Variants in DMAC2 observed in about 807,000 individuals in gnomAD.
DMAC2 encodes distal membrane arm assembly component 2, also known as distal membrane-arm assembly complex protein 2.
DMAC2 carries 32 observed loss-of-function variants against 29.6 expected under a neutral mutation model. The observed-to-expected ratio is 1.08, with a 90% CI of 0.81 to 1.45. DMAC2 has a LOEUF of 1.45. Among genes scored for constraint, DMAC2 ranks in the 40% most tolerant of loss-of-function variants. DMAC2 has a pLI of 0.00. For missense variants in DMAC2, 319 were observed against 340.0 expected, an observed-to-expected ratio of 0.94 and a Z score of 0.49; for synonymous variants, 133 against 137.4, an observed-to-expected ratio of 0.97 and a Z score of 0.23.
Position 41,438,200 on chromosome 19 carries a change from C to A in DMAC2, c.215+18G>T. 1 of 1,606,162 alleles carries A rather than the reference C, an allele frequency of 6.2e-7. No homozygotes were observed. Among genetic ancestry groups the A allele is most frequent in the African/African-American group, 1.3e-5 (1 of 74,996 alleles). On this transcript the variant is annotated intron_variant, in intron 2 of 5. Transcript: ENST00000221943. ...GGGCCAGGGTCTCCACAGGGTCTTG[C>A]AGACCAGGGATTCTCACCGATTTTT...
Position 41,431,872 on chromosome 19 carries a change from T to C in DMAC2, c.*359A>G, listed in dbSNP as rs1029018203. The C allele has an allele frequency of 2.3e-5, 7 of 303,160 alleles. No homozygotes were observed. The highest frequency in any genetic ancestry group is 1.4e-4 in the Admixed American group (3 of 21,086). The allele number at this position is 303,160 out of a possible 1,614,324, so 18.8% of individuals were successfully genotyped here. A position where few individuals can be genotyped will look rare whatever the true frequency, so the allele number is the denominator to read the frequency against. ...CCTGTAAAGTGTCAGTAGTAGCCCC[T>C]GTGTCAGTCAGGGTCCCTGCAAGAA... On this transcript the variant is annotated 3_prime_UTR_variant, in exon 6 of 6. Coordinates refer to ENST00000221943, the MANE Select transcript of DMAC2 (RefSeq NM_018035.3).
chr19:41,435,569 C>A (rs1455383355), intron 3 of DMAC2, among the ~76,000 whole-genome samples: 2 of 151,694 alleles, frequency 1.3e-5, no homozygotes, highest in Non-Finnish European at 2.9e-5. Context: ...CGCGCCCGGC[C>A]TATTATTATT....
In DMAC2 at chr19:41,432,175, C is replaced by G; in HGVS notation, c.*56G>C. On this transcript the variant is annotated 3_prime_UTR_variant, in exon 6 of 6. Transcript: ENST00000221943. The stretch of plus-strand genomic sequence containing the variant: ...TGGAAGCCAGAAGTGTGGTGAGCTA[C>G]CAGACATTCCATGCAGCCCGCTGAG... 6.4e-7 allele frequency: 1 copy of G among 1,567,866 alleles called. No homozygotes were observed. Among genetic ancestry groups the G allele is most frequent in the Non-Finnish European group, 8.7e-7 (1 of 1,150,668 alleles).
chr19:41,436,096 G>A (rs1397262272), intron 3 of DMAC2, among the ~76,000 whole-genome samples: 2 of 152,092 alleles, frequency 1.3e-5, no homozygotes, highest in East Asian at 1.9e-4. Flanking sequence ...AGCTGCTCTC[G>A]AACTCCTGAC....
In DMAC2 at chr19:41,432,653, C is replaced by CGTGTGTGTGTGTGTGTGT. The variant is rs782279895; in HGVS notation, c.597-263_597-246dup. 231 of 220,750 alleles carry CGTGTGTGTGTGTGTGTGT rather than the reference C, an allele frequency of 1.0e-3. 7 individuals are homozygous for CGTGTGTGTGTGTGTGTGT. The African/African-American group carries it at 0.011, about 11-fold the overall frequency. 13.7% of individuals were successfully genotyped at this position (220,750 alleles called of 1,614,324 possible). ...GTGTGTGTAGGGAGGTACAGGACAG[C>CGTGTGTGTGTGTGTGTGT]GTGTGTGTGTGTGTGTGTGTGTGTA... is the stretch of plus-strand genomic sequence containing the variant. On this transcript the variant is annotated intron_variant, in intron 5 of 5. Coordinates refer to ENST00000221943, the MANE Select transcript of DMAC2 (RefSeq NM_018035.3).
chr19:41,432,730 T>C (rs1386610997), intron 5 of DMAC2: 2 of 356,322 alleles, frequency 5.6e-6, no homozygotes, highest in African/African-American at 3.2e-5. Flanking sequence ...TGTGTGTGTG[T>C]AGGGAGGTAC....
chr19:41,433,707 C>G, intron 3 of DMAC2, 34 bp from the exon 4 acceptor site: 1 of 1,613,504 alleles, frequency 6.2e-7, no homozygotes, highest in Non-Finnish European at 8.5e-7. Flanking sequence ...AGCAGGGCAC[C>G]TGAACCTGCC....
Position 41,433,312 on chromosome 19 carries a change from G to T in DMAC2, c.556C>A (p.Arg186Ser). 2 of 1,611,050 alleles carry T rather than the reference G, an allele frequency of 1.2e-6. No individual in the cohort carries two copies. The highest frequency in any genetic ancestry group is 1.7e-6 in the Non-Finnish European group (2 of 1,179,850). ...LQELSLAGCP[R>S]ISERGLACLH... ...CAGGCGAGGCCCCGTTCGGAGATGC[G>T]GGGGCAACCGGCCAGCGAGAGCTCC... The change falls in exon 5 of 6, where the codon CGC becomes AGC. Residue 186 changes from arginine to serine, a missense_variant. Physicochemically the swap from Arg to Ser is moderately radical, Grantham distance 110. Coordinates refer to ENST00000221943, the MANE Select transcript of DMAC2 (RefSeq NM_018035.3).
At chr19:41,432,855 AGTGTGTGT>A in intron 5 of DMAC2, 1 of 478,524 alleles carries the variant, frequency 2.1e-6, no homozygotes, top group Non-Finnish European at 3.6e-6. Flanking sequence ...CTTACAGGAC[AGTGTGTGT>A]GCGTGCGTGT....
chr19:41,436,991 A>AG lies in DMAC2; in HGVS notation c.216-520dup, dbSNP rs573490098. Among the ~76,000 whole-genome samples, 870 of 152,036 alleles carry AG rather than the reference A, an allele frequency of 5.7e-3. 4 individuals are homozygous for AG. The highest frequency in any genetic ancestry group is 9.0e-3 in the Non-Finnish European group (610 of 67,920). On this transcript the variant is annotated intron_variant, in intron 2 of 5. Transcript: ENST00000221943. ...CTGAAGGGGCCAGTGGAGTCCTGAT[A>AG]GGGGGTCTCAAAGCTCAGTAGGAGC...
rs782613613 is a variant in DMAC2 at position 41,439,862 on chromosome 19, T to C, written c.18+20A>G. On this transcript the variant is annotated intron_variant, in intron 1 of 5. Transcript: ENST00000221943. Reference sequence around the variant, plus strand: ...AGAGCGGACTTCAAATTTGGGGCTCTAGGAACTCCGGTCACTTACCGCCCA... The same window carrying C: ...AGAGCGGACTTCAAATTTGGGGCTCCAGGAACTCCGGTCACTTACCGCCCA... 1.1e-5 allele frequency: 18 copies of C among 1,614,032 alleles called. No homozygotes were observed. Among genetic ancestry groups the C allele is most frequent in the African/African-American group, 5.3e-5 (4 of 74,908 alleles).
chr19:41,436,658 A>G (rs1175550822), intron 2 of DMAC2, among the ~76,000 whole-genome samples, 186 bp from the exon 3 acceptor site: 2 of 152,226 alleles, frequency 1.3e-5, no homozygotes, highest in South Asian at 2.1e-4. Context: ...ACCAAGGCAG[A>G]TAACATCCCT....
rs369060053 is a variant in DMAC2, at chr19:41,433,182, T to C, written c.596+90A>G. 5.7e-5 allele frequency: 80 copies of C among 1,403,734 alleles called. 2 individuals carry two copies. The African/African-American group carries it at 6.6e-4, about 12-fold the overall frequency. The allele number at this position is 1,403,734 out of a possible 1,614,324, so 87.0% of individuals were successfully genotyped here. ...GATGCAGGGGGATATGAGAACTGCC[T>C]AACATTGCCCCTCCCCACTTCCTCT... On this transcript the variant is annotated intron_variant, in intron 5 of 5. Transcript: ENST00000221943.
intron 1 of DMAC2, among the ~76,000 whole-genome samples, 170 bp from the exon 2 acceptor site, chr19:41,438,584 T>C (rs1248405166): frequency 3.3e-5 from 5 of 152,220 alleles, no homozygotes; most frequent in African/African-American, 1.2e-4. Context: ...TTTCCCCATG[T>C]TTTTTCCAAG....
chr19:41,434,050 C>T (rs540885268), intron 3 of DMAC2, among the ~76,000 whole-genome samples: 34 of 152,036 alleles, frequency 2.2e-4, no homozygotes, highest in Non-Finnish European at 4.1e-4. Flanking sequence ...GGCTAATACA[C>T]GGTGAAACCC....
intron 5 of DMAC2, 59 bp from the exon 6 acceptor site, chr19:41,432,467 G>A: frequency 6.5e-7 from 1 of 1,539,760 alleles, no homozygotes; most frequent in Admixed American, 1.7e-5. Context: ...TGTGTGTGTA[G>A]GGAGGTACAG....
Position 41,433,628 on chromosome 19 carries a change from G to C in DMAC2, c.342C>G (p.Phe114Leu), listed in dbSNP as rs782400350. The C allele has an allele frequency of 6.2e-7, 1 of 1,614,250 alleles. No homozygotes were observed. Among genetic ancestry groups the C allele is most frequent in the South Asian group, 1.1e-5 (1 of 91,080 alleles). The part of the protein sequence containing the change: ...EWIRPDKYGH[F>L]SQEFWNFCEV... ...CACAGAAATTCCAGAACTCCTGAGAGAAATGGCCATACTTATCTGGCCTGA... is the reference window on the plus strand; with the variant it reads ...CACAGAAATTCCAGAACTCCTGAGACAAATGGCCATACTTATCTGGCCTGA... Residue 114 changes from phenylalanine (F) to leucine (L), a missense_variant, in exon 4 of 6, where the codon TTC (phenylalanine) becomes TTG (leucine). Phe to Leu is a conservative substitution (Grantham distance 22). Transcript: ENST00000221943.
At chr19:41,433,127 ATCTACCAT>A (rs2039661784) in intron 5 of DMAC2, 137 bp downstream of exon 5, 3 of 892,990 alleles carry the variant, frequency 3.4e-6, no homozygotes, top group South Asian at 3.7e-5. Flanking sequence ...GTGACTGCTC[ATCTACCAT>A]AAATACTCTA....
intron 5 of DMAC2, chr19:41,432,993 T>G: frequency 1.9e-6 from 1 of 532,112 alleles, no homozygotes; most frequent in Admixed American, 3.6e-5. Context: ...TGAAGCCCAC[T>G]GTGTTAATTG....
Sources: allele counts gnomAD v4.1 joint callset (sites outside exome capture counted in the v4.1 genomes callset), GRCh38; gene constraint gnomAD v4.1.1; transcripts MANE v1.5; gene names NCBI Gene and HGNC (gene_info 2026-07-23, HGNC 2026-07-21).